PRKCA: variants seen among roughly 807,000 people sequenced by gnomAD.
The protein encoded by PRKCA is protein kinase C alpha type.
A neutral mutation model predicts 87.0 loss-of-function variants in PRKCA; 27 were observed. That is an observed-to-expected ratio of 0.31 (90% CI 0.23 to 0.43). The LOEUF (loss-of-function observed/expected upper bound fraction) is 0.43. Among genes scored for constraint, PRKCA ranks in the 20% least tolerant of loss-of-function variants. PRKCA has a pLI of 1.00. For missense variants in PRKCA, 518 were observed against 852.3 expected (o/e 0.61, Z 4.88); for synonymous variants, 329 against 311.1 (o/e 1.06, Z -0.61).
chr17:66,454,112 C>A (rs1013589238), intron 2 of PRKCA, among the ~76,000 whole-genome samples: 1 of 152,224 alleles, frequency 6.6e-6, no homozygotes, highest in Non-Finnish European at 1.5e-5. Flanking sequence ...TGAAATGACT[C>A]AAAATTATAC....
At chr17:66,319,130 C>T (rs771137338) in intron 2 of PRKCA, among the ~76,000 whole-genome samples, 3 of 151,970 alleles carry the variant, frequency 2.0e-5, no homozygotes, top group Non-Finnish European at 4.4e-5. Flanking sequence ...CCTGTCCCCT[C>T]CACCCCCACC....
chr17:66,781,873 A>ATAT (rs1975229231), intron 14 of PRKCA, among the ~76,000 whole-genome samples: 1 of 86,144 alleles, frequency 1.2e-5, no homozygotes, highest in African/African-American at 5.0e-5. Flanking sequence ...AGAGAGATAT[A>ATAT]TATATATATA....
chr17:66,465,899 A>G (rs1915064121), intron 2 of PRKCA, among the ~76,000 whole-genome samples: 1 of 152,104 alleles, frequency 6.6e-6, no homozygotes. Flanking sequence ...CTTATTGTGT[A>G]AGATTTGACT....
intron 2 of PRKCA, among the ~76,000 whole-genome samples, chr17:66,422,091 A>G (rs1484070423): frequency 6.6e-6 from 1 of 151,976 alleles, no homozygotes; most frequent in African/African-American, 2.4e-5. Context: ...CTTGTTTGTC[A>G]TAATCTCTTC....
chr17:66,798,453 C>CGGTGGTGGTGGT (rs1165425981), intron 16 of PRKCA, among the ~76,000 whole-genome samples: 5 of 8,742 alleles, frequency 5.7e-4, no homozygotes, highest in Non-Finnish European at 7.3e-4. Context: ...GTGGTGGTGA[C>CGGTGGTGGTGGT]GGTGGTGGTG....
chr17:66,763,168 G>A (rs1974723263), intron 13 of PRKCA, among the ~76,000 whole-genome samples: 1 of 152,190 alleles, frequency 6.6e-6, no homozygotes, highest in South Asian at 2.1e-4. Flanking sequence ...TTGCACTTTA[G>A]AGGTAGGCAG....
intron 2 of PRKCA, among the ~76,000 whole-genome samples, chr17:66,313,670 A>G (rs1031138382): frequency 1.8e-4 from 27 of 152,358 alleles, no homozygotes; most frequent in African/African-American, 6.0e-4. Context: ...GAGATTGGTA[A>G]TAACTGGAGC....
At position 66,804,727 on chromosome 17, in the gene PRKCA, A is replaced by G. The variant is rs1975989474; in HGVS notation, c.*690A>G. 6.5e-6 allele frequency: 1 copy of G among 152,832 alleles called. No individual in the cohort carries two copies. The highest frequency in any genetic ancestry group is 1.5e-5 in the Non-Finnish European group (1 of 68,208). The allele number at this position is 152,832 out of a possible 1,614,324, so 9.5% of individuals were successfully genotyped here. A position where few individuals can be genotyped will look rare whatever the true frequency, so the allele number is the denominator to read the frequency against. On this transcript the variant is annotated 3_prime_UTR_variant, in exon 17 of 17. Coordinates refer to ENST00000413366, the MANE Select transcript of PRKCA (RefSeq NM_002737.3). ...CTCCTTGGTTGATAACTGTCTTGAT[A>G]CTTTTCATTCTTTGTAAGAGGCCAA...
intron 2 of PRKCA, among the ~76,000 whole-genome samples, chr17:66,346,757 A>T (rs867773490): frequency 5.3e-5 from 8 of 152,108 alleles, no homozygotes; most frequent in Middle Eastern, 6.8e-3. Context: ...CTTTTGGTGC[A>T]GTGACTCACG....
chr17:66,741,791 C>T, intron 12 of PRKCA, 70 bp downstream of exon 12: 1 of 1,497,810 alleles, frequency 6.7e-7, no homozygotes, highest in East Asian at 2.3e-5. Context: ...GCATGTCATT[C>T]TGGAATGGTG....
At chr17:66,346,333 G>C (rs1311484725) in intron 2 of PRKCA, among the ~76,000 whole-genome samples, 1 of 151,786 alleles carries the variant, frequency 6.6e-6, no homozygotes, top group Admixed American at 6.6e-5. Context: ...TCCTGACCTA[G>C]TGATCTGCCC....
intron 5 of PRKCA, among the ~76,000 whole-genome samples, chr17:66,678,420 G>A (rs1972394462): frequency 6.6e-6 from 1 of 152,220 alleles, no homozygotes; most frequent in Non-Finnish European, 1.5e-5. Flanking sequence ...AGCAGCCACA[G>A]GAAACTGAGG....
intron 3 of PRKCA, among the ~76,000 whole-genome samples, chr17:66,539,497 A>G (rs897438386): frequency 4.0e-5 from 6 of 150,682 alleles, no homozygotes; most frequent in African/African-American, 1.5e-4. Context: ...TCCGCCTCTC[A>G]GGTTCACGCC....
chr17:66,504,642 G>T (rs1916890573), intron 3 of PRKCA, among the ~76,000 whole-genome samples: 1 of 152,150 alleles, frequency 6.6e-6, no homozygotes, highest in African/African-American at 2.4e-5. Context: ...CATAAGTGGG[G>T]AAGAAATAAA....
chr17:66,810,341 A>G lies in PRKCA; in HGVS notation c.*6304A>G, dbSNP rs1221065194. 1 of 152,246 alleles carries G rather than the reference A, an allele frequency of 6.6e-6. No individual in the cohort carries two copies. The highest frequency in any genetic ancestry group is 6.5e-5 in the Admixed American group (1 of 15,284). The allele number at this position is 152,246 out of a possible 1,614,324, so 9.4% of individuals were successfully genotyped here. The stretch of plus-strand genomic sequence containing the variant: ...ACTATTTTGAGTCTAAAGGTTTTCT[A>G]AAAATTAACCTCACATCCCTTCTGT... On this transcript the variant is annotated 3_prime_UTR_variant, in exon 17 of 17. Transcript: ENST00000413366.
At chr17:66,500,412 T>G (rs1016914779) in intron 3 of PRKCA, among the ~76,000 whole-genome samples, 1 of 152,166 alleles carries the variant, frequency 6.6e-6, no homozygotes, top group Non-Finnish European at 1.5e-5. Context: ...ATGAAGGCAT[T>G]GGGAGGTAGA....
chr17:66,775,268 C>T (rs776275378), intron 14 of PRKCA: 40 of 984,870 alleles, frequency 4.1e-5, no homozygotes, highest in Non-Finnish European at 4.8e-5. Context: ...TTTCTCCTGT[C>T]CGTCAGCCCT....
In PRKCA at chr17:66,652,592, A is replaced by G. The variant is rs144900494; in HGVS notation, c.529+7081A>G. Among the ~76,000 whole-genome samples, 51 of 152,256 alleles carry G rather than the reference A, an allele frequency of 3.3e-4. No individual in the cohort carries two copies. In the East Asian group the frequency reaches 9.1e-3, roughly 27 times the overall value. On this transcript the variant is annotated intron_variant, in intron 5 of 16. Transcript: ENST00000413366. ...CCAGGCGGGGGTTGGGGCCAAGAAG[A>G]GAGCGTGTGTGCAGGCAAGAGCACC...
chr17:66,492,817 T>G (rs999225539), intron 2 of PRKCA, among the ~76,000 whole-genome samples: 2 of 152,242 alleles, frequency 1.3e-5, no homozygotes, highest in African/African-American at 4.8e-5. Flanking sequence ...CTCTCAGGGC[T>G]TGTAGGAGCT....
Sources: gnomAD v4.1 joint callset for allele counts (sites outside exome capture counted in the v4.1 genomes callset) on GRCh38, gnomAD v4.1.1 for gene constraint, MANE v1.5 for transcripts, NCBI Gene and HGNC (gene_info 2026-07-23, HGNC 2026-07-21) for gene names.